TCF12: variants seen among roughly 807,000 people sequenced by gnomAD.
The protein encoded by TCF12 is transcription factor 12, also known as DNA-binding protein HTF4.
Under a neutral mutation model 86.0 loss-of-function variants are expected in TCF12, and 45 were observed. That is an observed-to-expected ratio of 0.52 (90% CI 0.41 to 0.67). The LOEUF is 0.67. TCF12 is among the 30% of genes least tolerant of loss of function. The pLI, the probability that TCF12 is intolerant of heterozygous loss-of-function variation, is 0.00. For synonymous variants in TCF12, 330 were observed against 299.6 expected (o/e 1.10, Z -1.05); for missense variants, 881 against 859.9 (o/e 1.02, Z -0.31).
chr15:57,041,310 G>A (rs1157390948), intron 3 of TCF12, among the ~76,000 whole-genome samples: 1 of 152,142 alleles, frequency 6.6e-6, no homozygotes, highest in Non-Finnish European at 1.5e-5. Flanking sequence ...TTAATCTCAT[G>A]ATGAATCTTT....
chr15:56,989,622 AC>A (rs1489881034), intron 3 of TCF12, among the ~76,000 whole-genome samples: 1 of 152,168 alleles, frequency 6.6e-6, no homozygotes, highest in Non-Finnish European at 1.5e-5. Flanking sequence ...GTGTGTTAAA[AC>A]CCAAGGACAC....
chr15:57,174,966 C>T (rs912759446), intron 6 of TCF12, among the ~76,000 whole-genome samples: 1 of 151,176 alleles, frequency 6.6e-6, no homozygotes, highest in Non-Finnish European at 1.5e-5. Context: ...GGGAAGAAAA[C>T]AAAACAAAAA....
intron 3 of TCF12, among the ~76,000 whole-genome samples, chr15:57,051,841 A>G (rs138712022): frequency 1.3e-5 from 2 of 152,222 alleles, no homozygotes; most frequent in African/African-American, 4.8e-5. Flanking sequence ...TCAGCATCCA[A>G]TTTCATTCTT....
chr15:56,922,314 G>A (rs1422477343), intron 3 of TCF12, among the ~76,000 whole-genome samples: 5 of 151,884 alleles, frequency 3.3e-5, no homozygotes, highest in African/African-American at 1.2e-4. Flanking sequence ...TATTACTGTT[G>A]CCTACTGTTC....
At chr15:57,016,333 G>C (rs2065152427) in intron 3 of TCF12, among the ~76,000 whole-genome samples, 1 of 152,170 alleles carries the variant, frequency 6.6e-6, no homozygotes, top group South Asian at 2.1e-4. Flanking sequence ...TCCTATACCT[G>C]GATTAATGCT....
intron 7 of TCF12, among the ~76,000 whole-genome samples, chr15:57,196,142 G>A (rs1243269596): frequency 6.6e-6 from 1 of 150,576 alleles, no homozygotes; most frequent in Non-Finnish European, 1.5e-5. Flanking sequence ...TTTCTCATCT[G>A]TGGATTCAGC....
intron 8 of TCF12, among the ~76,000 whole-genome samples, chr15:57,199,127 A>G (rs895087480): frequency 3.9e-5 from 6 of 152,326 alleles, no homozygotes; most frequent in African/African-American, 1.2e-4. Flanking sequence ...TTGCATAAGC[A>G]CTTGGGCCCA....
At chr15:57,058,621 A>G (rs906008684) in intron 3 of TCF12, among the ~76,000 whole-genome samples, 3 of 152,202 alleles carry the variant, frequency 2.0e-5, no homozygotes, top group Non-Finnish European at 4.4e-5. Context: ...AATTCACTGC[A>G]CAGAACCTAA....
At chr15:57,126,853 A>G (rs1596673233) in intron 5 of TCF12, among the ~76,000 whole-genome samples, 1 of 152,354 alleles carries the variant, frequency 6.6e-6, no homozygotes, top group East Asian at 1.9e-4. Flanking sequence ...GTAATTGGCC[A>G]TAATTTTATC....
chr15:57,026,242 C>G (rs1248460705), intron 3 of TCF12, among the ~76,000 whole-genome samples: 2 of 152,130 alleles, frequency 1.3e-5, no homozygotes, highest in Non-Finnish European at 2.9e-5. Context: ...TTTGTAAAAA[C>G]AGATAGTGGG....
intron 3 of TCF12, among the ~76,000 whole-genome samples, chr15:56,944,591 A>G (rs1472921615): frequency 1.3e-5 from 2 of 152,180 alleles, no homozygotes; most frequent in African/African-American, 4.8e-5. Context: ...TAAGAGTTCT[A>G]CTTGCCAGGA....
intron 5 of TCF12, among the ~76,000 whole-genome samples, chr15:57,119,486 C>T (rs754198445): frequency 6.2e-5 from 9 of 146,162 alleles, no homozygotes; most frequent in Non-Finnish European, 1.0e-4. Context: ...CTTCTTCATA[C>T]TAGATACGAT....
chr15:57,061,764 T>A (rs1277960255), intron 3 of TCF12, among the ~76,000 whole-genome samples: 1 of 152,176 alleles, frequency 6.6e-6, no homozygotes, highest in Non-Finnish European at 1.5e-5. Context: ...TAAAAGTGAT[T>A]TTTTAAAATA....
At position 57,273,069 on chromosome 15, in the gene TCF12, G is replaced by A. The variant is rs766369873; in HGVS notation, c.1785G>A (p.Lys595=). ...ATGAGGATTTGAACCCTGAACAGAA[G>A]ATAGAAAGGGAGAAGGAGAGGCGGA... is the stretch of plus-strand genomic sequence containing the variant. The part of the protein sequence containing the change: ...NEDEDLNPEQ[K]IEREKERRMA... Residue 595 remains lysine, a synonymous_variant, in exon 19 of 21, where the codon AAG becomes AAA. Coordinates refer to ENST00000333725, the MANE Select transcript of TCF12 (RefSeq NM_207037.2). 1 of 1,614,106 alleles carries A rather than the reference G, an allele frequency of 6.2e-7. No individual in the cohort carries two copies. Among genetic ancestry groups the A allele is most frequent in the African/African-American group, 1.3e-5 (1 of 74,952 alleles).
intron 3 of TCF12, among the ~76,000 whole-genome samples, chr15:57,058,710 C>A (rs1337017648): frequency 1.3e-5 from 2 of 152,054 alleles, no homozygotes; most frequent in African/African-American, 4.8e-5. Flanking sequence ...CTATTAAATT[C>A]CCTTGCAATT....
At chr15:57,096,532 A>T (rs1454486850) in intron 5 of TCF12, among the ~76,000 whole-genome samples, 1 of 152,090 alleles carries the variant, frequency 6.6e-6, no homozygotes, top group Non-Finnish European at 1.5e-5. Context: ...TATATATATA[A>T]AATGGTATAG....
At chr15:57,038,126 A>C (rs2066634231) in intron 3 of TCF12, among the ~76,000 whole-genome samples, 1 of 152,180 alleles carries the variant, frequency 6.6e-6, no homozygotes, top group Non-Finnish European at 1.5e-5. Context: ...GGAAGCTGGG[A>C]TAGGGCAAGC....
chr15:57,230,520 A>G (rs1380849102), intron 8 of TCF12, among the ~76,000 whole-genome samples: 1 of 152,088 alleles, frequency 6.6e-6, no homozygotes, highest in Non-Finnish European at 1.5e-5. Flanking sequence ...GGGTTTATCA[A>G]AGGAAATTAA....
chr15:57,268,638 C>T (rs1436648881), intron 18 of TCF12, among the ~76,000 whole-genome samples: 1 of 152,096 alleles, frequency 6.6e-6, no homozygotes, highest in East Asian at 1.9e-4. Flanking sequence ...TTTCAAGGTT[C>T]TGAGAAGCTG....
Sources: allele counts gnomAD v4.1 joint callset (sites outside exome capture counted in the v4.1 genomes callset), GRCh38; gene constraint gnomAD v4.1.1; transcripts MANE v1.5; gene names NCBI Gene and HGNC (gene_info 2026-07-23, HGNC 2026-07-21).